CREBRF: variants seen among roughly 807,000 people sequenced by gnomAD.
CREBRF encodes the protein UPF0474 protein C5orf41.
A neutral mutation model predicts 66.1 loss-of-function variants in CREBRF; 5 were observed. That is an observed-to-expected ratio of 0.08 (90% CI 0.04 to 0.16). The LOEUF is 0.16. Among genes scored for constraint, CREBRF ranks in the 10% least tolerant of loss-of-function variants. The pLI is 1.00. For synonymous variants in CREBRF, 229 were observed against 264.4 expected, an observed-to-expected ratio of 0.87 and a Z score of 1.30; for missense variants, 531 against 744.9, an observed-to-expected ratio of 0.71 and a Z score of 3.34.
chr5:173,127,785 C>A (rs1391517990), intron 8 of CREBRF, among the ~76,000 whole-genome samples: 3 of 152,084 alleles, frequency 2.0e-5, no homozygotes, highest in African/African-American at 7.2e-5. Flanking sequence ...AAGGTAATTT[C>A]TCTGTCAGGT....
chr5:173,104,422 C>T (rs1032102716), intron 4 of CREBRF, among the ~76,000 whole-genome samples: 2 of 151,884 alleles, frequency 1.3e-5, no homozygotes, highest in African/African-American at 4.8e-5. Flanking sequence ...AATTCATGCC[C>T]GTAATCTCAG....
At chr5:173,089,970 C>A (rs1055447812) in intron 3 of CREBRF, among the ~76,000 whole-genome samples, 1 of 152,066 alleles carries the variant, frequency 6.6e-6, no homozygotes, top group East Asian at 1.9e-4. Flanking sequence ...CTAAGGAGAT[C>A]CCAAAATCCT....
At chr5:173,109,860 A>G (rs1758832512) in intron 5 of CREBRF, 1 of 152,546 alleles carries the variant, frequency 6.6e-6, no homozygotes, top group Non-Finnish European at 1.5e-5. Context: ...GTTTTCTACT[A>G]GAAATGAAAC....
intron 1 of CREBRF, among the ~76,000 whole-genome samples, chr5:173,059,201 C>T (rs1385324318): frequency 1.3e-5 from 2 of 151,052 alleles, no homozygotes; most frequent in South Asian, 2.1e-4. Context: ...TGAATTCTTA[C>T]GTATAACTTT....
intron 2 of CREBRF, among the ~76,000 whole-genome samples, chr5:173,081,661 G>A (rs1045080994): frequency 2.0e-5 from 3 of 152,106 alleles, no homozygotes; most frequent in African/African-American, 7.2e-5. Context: ...AGTGGCTCAC[G>A]CCTGTAATCC....
intron 3 of CREBRF, among the ~76,000 whole-genome samples, chr5:173,088,262 T>TC (rs1758223774): frequency 1.3e-4 from 6 of 45,618 alleles, no homozygotes; most frequent in Non-Finnish European, 3.0e-4. Context: ...ATTCTTTTTT[T>TC]TTTTTTTTTT....
intron 4 of CREBRF, among the ~76,000 whole-genome samples, chr5:173,098,629 T>G (rs898656314): frequency 2.0e-5 from 3 of 152,172 alleles, no homozygotes; most frequent in Non-Finnish European, 2.9e-5. Context: ...GTCTGAAGTG[T>G]TATTCAAATC....
intron 1 of CREBRF, among the ~76,000 whole-genome samples, chr5:173,067,526 C>T (rs909212378): frequency 3.3e-5 from 5 of 152,020 alleles, no homozygotes; most frequent in African/African-American, 1.2e-4. Flanking sequence ...TAATTTTTTC[C>T]CCCAAAAGAG....
intron 1 of CREBRF, among the ~76,000 whole-genome samples, chr5:173,074,185 C>T (rs1452639669): frequency 6.6e-6 from 1 of 151,662 alleles, no homozygotes; most frequent in Non-Finnish European, 1.5e-5. Flanking sequence ...GCCTGTAATC[C>T]CACTACTTGG....
At chr5:173,078,744 T>G (rs1757845387) in intron 1 of CREBRF, among the ~76,000 whole-genome samples, 1 of 151,878 alleles carries the variant, frequency 6.6e-6, no homozygotes. Context: ...AGGCTGGTCT[T>G]GAACTCCTGA....
chr5:173,103,090 C>G (rs1030822760), intron 4 of CREBRF, among the ~76,000 whole-genome samples: 1 of 152,150 alleles, frequency 6.6e-6, no homozygotes, highest in Admixed American at 6.6e-5. Flanking sequence ...TCCCTTGACC[C>G]TTGTAGGAGA....
chr5:173,119,892 AT>A (rs2113789853), intron 7 of CREBRF, among the ~76,000 whole-genome samples: 1 of 152,298 alleles, frequency 6.6e-6, no homozygotes, highest in South Asian at 2.1e-4. Flanking sequence ...TCACATATTC[AT>A]CTGTTAAAGT....
chr5:173,131,792 G>A (rs1759432697), intron 8 of CREBRF, among the ~76,000 whole-genome samples: 1 of 152,074 alleles, frequency 6.6e-6, no homozygotes, highest in South Asian at 2.1e-4. Context: ...GAGTGCAGTA[G>A]TGCAATCTCA....
rs749558283 is a variant in CREBRF, at chr5:173,100,078, TTGTGTGTGTG to T, written c.1223-8514_1223-8505del. Among the ~76,000 whole-genome samples, 283 of 69,144 alleles carry T rather than the reference TTGTGTGTGTG, an allele frequency of 4.1e-3. 2 individuals are homozygous for T. The highest frequency in any genetic ancestry group is 0.014 in the South Asian group (28 of 2,052). 45.4% of individuals were successfully genotyped at this position (69,144 alleles called of 152,430 possible). A position where few individuals can be genotyped will look rare whatever the true frequency, so the allele number is the denominator to read the frequency against. On this transcript the variant is annotated intron_variant, in intron 4 of 8. Transcript: ENST00000296953. ...CCTGCCACCACACCTGGCTAATCTT[TTGTGTGTGTG>T]TGTGTGTGTGTGTGTGTGTGTGTGT...
At position 173,136,372 on chromosome 5, in the gene CREBRF, ATATG is replaced by A. The variant is rs1016465665; in HGVS notation, c.*2635_*2638del. ...GACACTTTATTTTGTACCTATTTAT[ATATG>A]TATGTATATCTTAGAAAAGCACTTT... On this transcript the variant is annotated 3_prime_UTR_variant, in exon 9 of 9. Coordinates refer to ENST00000296953, the MANE Select transcript of CREBRF (RefSeq NM_153607.3). 22 of 152,442 alleles carry A rather than the reference ATATG, an allele frequency of 1.4e-4. No homozygotes were observed. The highest frequency in any genetic ancestry group is 2.8e-4 in the Non-Finnish European group (19 of 67,934). The allele number at this position is 152,442 out of a possible 1,614,324, so 9.4% of individuals were successfully genotyped here.
At chr5:173,100,118 G>GTGTGTGTGTGTGTATATATA in intron 4 of CREBRF, among the ~76,000 whole-genome samples, 1 of 88,386 alleles carries the variant, frequency 1.1e-5, no homozygotes, top group Non-Finnish European at 2.1e-5. Flanking sequence ...GTGTGTGTGT[G>GTGTGTGTGTGTGTATATATA]TATATATATA....
chr5:173,123,077 C>T lies in CREBRF; in HGVS notation c.1682-3C>T. On this transcript the variant is annotated splice_polypyrimidine_tract_variant and splice_region_variant and intron_variant, in intron 7 of 8. Coordinates refer to ENST00000296953, the MANE Select transcript of CREBRF (RefSeq NM_153607.3). ...ATTCCAAGTGTTTTGTTCTGTCTTACAGATAATTTATTGTTTGTAATCAAC... is the reference window on the plus strand; with the variant it reads ...ATTCCAAGTGTTTTGTTCTGTCTTATAGATAATTTATTGTTTGTAATCAAC... 6.3e-7 allele frequency: 1 copy of T among 1,587,430 alleles called. No individual in the cohort carries two copies. Among genetic ancestry groups the T allele is most frequent in the Non-Finnish European group, 8.5e-7 (1 of 1,172,898 alleles).
rs909126288 is a variant in CREBRF, at chr5:173,137,503, A to G, written c.*3758A>G. 2.0e-5 allele frequency: 3 copies of G among 152,048 alleles called. No homozygotes were observed. The highest frequency in any genetic ancestry group is 4.4e-5 in the Non-Finnish European group (3 of 67,952). 9.4% of individuals were successfully genotyped at this position (152,048 alleles called of 1,614,324 possible). A position where few individuals can be genotyped will look rare whatever the true frequency, so the allele number is the denominator to read the frequency against. On this transcript the variant is annotated 3_prime_UTR_variant, in exon 9 of 9. Coordinates refer to ENST00000296953, the MANE Select transcript of CREBRF (RefSeq NM_153607.3). ...GCTTGACTTTATTTGCTTCCTAGCA[A>G]TAGTCTGCATTTAAAGAAAGGTGTG...
At chr5:173,086,113 G>A (rs1452426263) in intron 2 of CREBRF, 5 of 807,836 alleles carry the variant, frequency 6.2e-6, no homozygotes, top group Admixed American at 1.7e-5. Flanking sequence ...AAAACAGTAC[G>A]TTATTCCGAT....
Sources: gnomAD v4.1 joint callset for allele counts (sites outside exome capture counted in the v4.1 genomes callset) on GRCh38, gnomAD v4.1.1 for gene constraint, MANE v1.5 for transcripts, NCBI Gene and HGNC (gene_info 2026-07-23, HGNC 2026-07-21) for gene names.